The following ZC3H8 variants were observed in gnomAD, a reference collection of about 807,000 sequenced individuals.
ZC3H8 encodes the protein zinc finger CCCH domain-containing protein 8.
ZC3H8 carries 27 observed loss-of-function variants against 42.5 expected under a neutral mutation model. The ratio of observed to expected loss-of-function variants is 0.64; its 90% confidence interval spans 0.47 to 0.88. The LOEUF (loss-of-function observed/expected upper bound fraction) is 0.88, where lower values mean the gene tolerates loss of function less well. ZC3H8 is among the 40% of genes least tolerant of loss of function. The pLI is 0.00. For missense variants in ZC3H8, 277 were observed against 336.1 expected (o/e 0.82, Z 1.37); for synonymous variants, 101 against 110.1 (o/e 0.92, Z 0.52).
chr2:112,254,842 G>C, intron 1 of ZC3H8, 66 bp downstream of exon 1: 1 of 1,550,282 alleles, frequency 6.5e-7, no homozygotes, highest in Non-Finnish European at 8.7e-7. Context: ...CTCCAATCCA[G>C]AAGAAACTAA....
chr2:112,236,480 A>G, intron 4 of ZC3H8, 82 bp downstream of exon 4: 1 of 1,551,328 alleles, frequency 6.4e-7, no homozygotes, highest in Non-Finnish European at 8.7e-7. Flanking sequence ...CATATCACAT[A>G]GCACTTCTTG....
At chr2:112,236,456 T>C (rs919859591) in intron 4 of ZC3H8, 106 bp downstream of exon 4, 5 of 1,441,338 alleles carry the variant, frequency 3.5e-6, no homozygotes, top group African/African-American at 1.4e-5. Flanking sequence ...TTCTGTGGGA[T>C]GCTTCCACCT....
At chr2:112,220,651 G>A (rs369284494) in intron 8 of ZC3H8, among the ~76,000 whole-genome samples, 109 of 152,160 alleles carry the variant, frequency 7.2e-4, no homozygotes, top group African/African-American at 2.3e-3. Flanking sequence ...GAGAAACCCC[G>A]TCTTCATTAA....
chr2:112,233,920 C>T (rs1423643097), intron 5 of ZC3H8, among the ~76,000 whole-genome samples, 200 bp downstream of exon 5: 1 of 152,214 alleles, frequency 6.6e-6, no homozygotes, highest in African/African-American at 2.4e-5. Flanking sequence ...AGGTGATCCA[C>T]CCACGTCGGC....
chr2:112,251,957 C>T (rs1027763709), intron 1 of ZC3H8, among the ~76,000 whole-genome samples: 55 of 152,344 alleles, frequency 3.6e-4, no homozygotes, highest in African/African-American at 1.3e-3. Flanking sequence ...CTTCTTTCCA[C>T]AGCTACTACT....
intron 3 of ZC3H8, 68 bp from the exon 4 acceptor site, chr2:112,236,763 G>A (rs1685353823): frequency 5.7e-6 from 8 of 1,391,960 alleles, no homozygotes; most frequent in East Asian, 2.5e-5. Flanking sequence ...TAAGAAGTAC[G>A]GGGCCAGGTG....
chr2:112,219,524 A>T (rs1335995530), intron 8 of ZC3H8, among the ~76,000 whole-genome samples: 1 of 152,192 alleles, frequency 6.6e-6, no homozygotes, highest in Non-Finnish European at 1.5e-5. Context: ...TATTTACAAC[A>T]TTATTTACCC....
chr2:112,250,372 C>A, intron 1 of ZC3H8, 100 bp from the exon 2 acceptor site: 2 of 723,660 alleles, frequency 2.8e-6, no homozygotes, highest in South Asian at 3.0e-5. Flanking sequence ...TTCAACTTAC[C>A]CTCAAAGAAA....
rs1490291609 is a variant in ZC3H8 at position 112,238,501 on chromosome 2, T to G, written c.184A>C (p.Ser62Arg). Reference sequence around the variant, plus strand: ...CTTCTTGATTTTCTATGCAGCGAACTTTTTGGTGATATTGCAGAGTGTCTA... The same window carrying G: ...CTTCTTGATTTTCTATGCAGCGAACGTTTTGGTGATATTGCAGAGTGTCTA... ...KFRHSAISPKSSLHRKSRSKD... is the reference protein window; with the variant it reads ...KFRHSAISPKRSLHRKSRSKD... Residue 62 changes from serine to arginine, a missense_variant, in exon 3 of 9, where the codon AGT (serine) becomes CGT (arginine). By Grantham distance (110) the Ser-to-Arg change is moderately radical (BLOSUM62 -1). Coordinates refer to ENST00000409573, the MANE Select transcript of ZC3H8 (RefSeq NM_032494.3). 1 of 1,610,962 alleles carries G rather than the reference T, an allele frequency of 6.2e-7. No homozygotes were observed. The highest frequency in any genetic ancestry group is 1.3e-5 in the African/African-American group (1 of 74,878).
At chr2:112,250,848 T>C (rs1240343199) in intron 1 of ZC3H8, among the ~76,000 whole-genome samples, 1 of 152,158 alleles carries the variant, frequency 6.6e-6, no homozygotes, top group Non-Finnish European at 1.5e-5. Context: ...GAGTGCCTTT[T>C]GAGATTAGGA....
chr2:112,238,699 T>TA (rs1446825615), intron 2 of ZC3H8, 171 bp from the exon 3 acceptor site: 22 of 461,798 alleles, frequency 4.8e-5, no homozygotes, highest in Non-Finnish European at 7.0e-5. Context: ...TTTCCAGAAT[T>TA]AAAAAAAAGA....
At chr2:112,226,737 A>T (rs75564090) in intron 8 of ZC3H8, among the ~76,000 whole-genome samples, 1 of 152,134 alleles carries the variant, frequency 6.6e-6, no homozygotes, top group Non-Finnish European at 1.5e-5. Context: ...CCTTGATACG[A>T]AAGCCAGAAA....
In ZC3H8 at chr2:112,249,186, ACT is replaced by A. The variant is rs1408777734; in HGVS notation, c.156+1003_156+1004del. Among the ~76,000 whole-genome samples the A allele has an allele frequency of 7.9e-5, 12 of 152,202 alleles. No homozygotes were observed. In the East Asian group the frequency reaches 2.1e-3, roughly 27 times the overall value. ...ACTCCAACCTGGGTGACAGAGCAAG[ACT>A]CTGTCTCAAAAAAAGGAAATTCAGA... On this transcript the variant is annotated intron_variant, in intron 2 of 8. Transcript: ENST00000409573.
chr2:112,230,861 T>C, intron 8 of ZC3H8, 42 bp downstream of exon 8: 1 of 1,245,994 alleles, frequency 8.0e-7, no homozygotes, highest in Non-Finnish European at 1.1e-6. Context: ...TCTGGAGATG[T>C]TCAGACAAGA....
At chr2:112,229,224 GA>G (rs1379951859) in intron 8 of ZC3H8, among the ~76,000 whole-genome samples, 1 of 152,072 alleles carries the variant, frequency 6.6e-6, no homozygotes, top group African/African-American at 2.4e-5. Flanking sequence ...TAATGCTTGG[GA>G]GATTGGTTAT....
rs1684160563 is a variant in ZC3H8 at position 112,212,172 on chromosome 2, C to T, written c.*4312G>A. On this transcript the variant is annotated 3_prime_UTR_variant, in exon 9 of 9. Transcript: ENST00000409573. The stretch of plus-strand genomic sequence containing the variant: ...GACAGCCATTTTCTTGCCGTGTCCT[C>T]ACATGGTGGAAAAGGGAGACAGCTC... 1 of 152,254 alleles carries T rather than the reference C, an allele frequency of 6.6e-6. No individual in the cohort carries two copies. The highest frequency in any genetic ancestry group is 2.1e-4 in the South Asian group (1 of 4,832). The allele number at this position is 152,254 out of a possible 1,614,324, so 9.4% of individuals were successfully genotyped here.
At chr2:112,218,276 C>T (rs1336732148) in intron 8 of ZC3H8, among the ~76,000 whole-genome samples, 1 of 152,060 alleles carries the variant, frequency 6.6e-6, no homozygotes, top group African/African-American at 2.4e-5. Flanking sequence ...TGAACCTCAC[C>T]CCAAAGGCAG....
At chr2:112,241,811 T>C (rs1283138522) in intron 2 of ZC3H8, among the ~76,000 whole-genome samples, 1 of 152,246 alleles carries the variant, frequency 6.6e-6, no homozygotes, top group East Asian at 1.9e-4. Flanking sequence ...CATATTACTC[T>C]ATAGCATTTG....
At position 112,234,169 on chromosome 2, in the gene ZC3H8, C is replaced by A. The variant is rs111575208; in HGVS notation, c.572G>T (p.Arg191Leu). 1.9e-6 allele frequency: 3 copies of A among 1,608,346 alleles called. No individual in the cohort carries two copies. The highest frequency in any genetic ancestry group is 2.5e-6 in the Non-Finnish European group (3 of 1,177,822). Residue 191 changes from arginine to leucine, a missense_variant, in exon 5 of 9, where the codon CGC becomes CTC. Arg to Leu is a moderately radical substitution (Grantham distance 102). Transcript: ENST00000409573. ...ATATTTACAAATTTGTTTTCCCTTGCGTTCCACTGTATGTTGGTTGATGAA... is the reference window on the plus strand; with the variant it reads ...ATATTTACAAATTTGTTTTCCCTTGAGTTCCACTGTATGTTGGTTGATGAA... ...QAFINQHTVE[R>L]KGKQICKYFL...
Sources: allele counts gnomAD v4.1 joint callset (sites outside exome capture counted in the v4.1 genomes callset), GRCh38; gene constraint gnomAD v4.1.1; transcripts MANE v1.5; gene names NCBI Gene and HGNC (gene_info 2026-07-23, HGNC 2026-07-21).